The following PCNT variants were observed in gnomAD, a reference collection of about 807,000 sequenced individuals.
PCNT encodes kendrin.
Under a neutral mutation model 380.4 loss-of-function variants are expected in PCNT, and 319 were observed. That is an observed-to-expected ratio of 0.84 (90% CI 0.77 to 0.92). PCNT has a LOEUF of 0.92. Among genes scored for constraint, PCNT ranks in the 40% least tolerant of loss-of-function variants. PCNT has a pLI of 0.00. For missense variants in PCNT, 4,400 were observed against 4,255.3 expected (o/e 1.03, Z -0.95); for synonymous variants, 1,845 against 1,735.2 (o/e 1.06, Z -1.57).
intron 3 of PCNT, among the ~76,000 whole-genome samples, chr21:46,341,784 GTC>G (rs1346201595): frequency 6.6e-6 from 1 of 151,910 alleles, no homozygotes; most frequent in East Asian, 1.9e-4. Flanking sequence ...GGCTCAAGCA[GTC>G]TTTCTACTCA....
chr21:46,361,744 A>G (rs936123145), intron 13 of PCNT, among the ~76,000 whole-genome samples: 3 of 152,188 alleles, frequency 2.0e-5, no homozygotes, highest in Non-Finnish European at 4.4e-5. Context: ...GCTGTGCTGC[A>G]CACATTTTCT....
chr21:46,413,800 C>T (rs750277292), intron 29 of PCNT, among the ~76,000 whole-genome samples: 1 of 152,136 alleles, frequency 6.6e-6, no homozygotes, highest in African/African-American at 2.4e-5. Flanking sequence ...TTCTTTTCCC[C>T]GGGGAAGGAG....
chr21:46,425,777 C>A lies in PCNT; in HGVS notation c.7180-54C>A, dbSNP rs113128848. ...GCTCGGGGCCGCAGGTGGTGTAGAG[C>A]GTGGCTGTGTGGGGTGGCAGGCAAC... On this transcript the variant is annotated intron_variant, in intron 32 of 46. Transcript: ENST00000359568. This position sits in a 1 kb window ranked among gnomAD's most constrained non-coding sequence, Gnocchi z 4.2. The A allele has an allele frequency of 6.2e-7, 1 of 1,609,788 alleles. No individual in the cohort carries two copies. The highest frequency in any genetic ancestry group is 1.3e-5 in the African/African-American group (1 of 74,842).
intron 27 of PCNT, among the ~76,000 whole-genome samples, chr21:46,407,851 T>G (rs1024829886): frequency 6.6e-6 from 1 of 152,208 alleles, no homozygotes; most frequent in Non-Finnish European, 1.5e-5. Context: ...GATACTTTTC[T>G]CTCTTTATTT....
intron 1 of PCNT, among the ~76,000 whole-genome samples, chr21:46,325,443 C>G (rs2083352510): frequency 6.6e-6 from 1 of 152,220 alleles, no homozygotes; most frequent in East Asian, 1.9e-4. Flanking sequence ...GGCCGCAGAC[C>G]AGGTCTGTGC....
intron 13 of PCNT, 53 bp from the exon 14 acceptor site, chr21:46,363,424 CTAA>C: frequency 6.9e-7 from 1 of 1,443,794 alleles, no homozygotes. Flanking sequence ...GTTGTCTCTT[CTAA>C]TAATCTCTTC....
At chr21:46,386,411 CTG>C (rs2085838222) in intron 17 of PCNT, among the ~76,000 whole-genome samples, 2 of 152,280 alleles carry the variant, frequency 1.3e-5, no homozygotes, top group African/African-American at 4.8e-5. Flanking sequence ...GCATCTCTCT[CTG>C]TGACGTGTGT....
At chr21:46,339,070 C>T (rs370697907) in intron 3 of PCNT, among the ~76,000 whole-genome samples, 3 of 152,272 alleles carry the variant, frequency 2.0e-5, no homozygotes. Flanking sequence ...GCGTGAGCCA[C>T]CGCACCCGGC....
chr21:46,438,949 A>G (rs1287243612), intron 41 of PCNT, among the ~76,000 whole-genome samples: 1 of 152,088 alleles, frequency 6.6e-6, no homozygotes, highest in Non-Finnish European at 1.5e-5. Flanking sequence ...GATTACAGAC[A>G]TGAGCCACCG....
chr21:46,326,480 A>C lies in PCNT; in HGVS notation c.158A>C (p.Glu53Ala). The C allele has an allele frequency of 6.2e-7, 1 of 1,614,208 alleles. No individual in the cohort carries two copies. The highest frequency in any genetic ancestry group is 8.5e-7 in the Non-Finnish European group (1 of 1,180,042). The stretch of plus-strand genomic sequence containing the variant: ...GCTGTCGATGCGTCTGTCCAGGAGG[A>C]GAGTCCGGTAACCAAGGAGGACAGC... ...GSAVDASVQE[E>A]SPVTKEDSAL... The change falls in exon 2 of 47, where the codon GAG becomes GCG. Residue 53 changes from glutamate to alanine, a missense_variant. Glu to Ala is a moderately radical substitution (Grantham distance 107). Coordinates refer to ENST00000359568, the MANE Select transcript of PCNT (RefSeq NM_006031.6).
intron 31 of PCNT, 103 bp from the exon 32 acceptor site, chr21:46,421,867 T>C (rs1227875797): frequency 7.8e-7 from 1 of 1,279,294 alleles, no homozygotes; most frequent in African/African-American, 1.5e-5. Context: ...TGGTTGTCGC[T>C]GGGGACTGCG....
At chr21:46,324,592 G>T (rs1296666176) in intron 1 of PCNT, among the ~76,000 whole-genome samples, 3 of 150,154 alleles carry the variant, frequency 2.0e-5, no homozygotes, top group Admixed American at 2.0e-4. Flanking sequence ...GCTGGGCGCG[G>T]TGCACGCCGG....
At chr21:46,436,317 G>A (rs1189537765) in intron 39 of PCNT, among the ~76,000 whole-genome samples, 169 bp downstream of exon 39, 1 of 152,182 alleles carries the variant, frequency 6.6e-6, no homozygotes, top group Non-Finnish European at 1.5e-5. Context: ...TGGCAAGATG[G>A]CATGTTCATA....
rs1240556289 is a variant in PCNT at position 46,430,317 on chromosome 21, T to G, written c.7913+85T>G. The G allele has an allele frequency of 5.6e-6, 8 of 1,440,998 alleles. No individual in the cohort carries two copies. The Admixed American group carries it at 1.6e-4, about 28-fold the overall frequency. 89.3% of individuals were successfully genotyped at this position (1,440,998 alleles called of 1,614,324 possible). ...CTTGGTGATGAAGGGAGACAGAACC[T>G]CTGGTGGGCCGCAGTTGGGCAGCCC... is the stretch of plus-strand genomic sequence containing the variant. On this transcript the variant is annotated intron_variant, in intron 36 of 46. Transcript: ENST00000359568.
chr21:46,378,442 A>AACAC (rs1414356919), intron 15 of PCNT, among the ~76,000 whole-genome samples: 5 of 152,138 alleles, frequency 3.3e-5, no homozygotes, highest in Non-Finnish European at 7.3e-5. Flanking sequence ...AGGTGACTTG[A>AACAC]ACACAGGCAC....
chr21:46,324,992 C>G, intron 1 of PCNT: 11 of 978,822 alleles, frequency 1.1e-5, no homozygotes, highest in Non-Finnish European at 1.3e-5. Context: ...CTGGCGTACG[C>G]TGCCGGGAAC....
At chr21:46,406,594 T>C (rs2086628840) in intron 27 of PCNT, among the ~76,000 whole-genome samples, 1 of 152,220 alleles carries the variant, frequency 6.6e-6, no homozygotes, top group Non-Finnish European at 1.5e-5. Context: ...TTTTTGTTAT[T>C]TCCTTCTTTT....
chr21:46,378,867 C>G (rs117314330), intron 15 of PCNT, among the ~76,000 whole-genome samples: 5,514 of 152,256 alleles, frequency 0.036, 140 homozygotes, highest in South Asian at 0.06. Flanking sequence ...GTACCAACCA[C>G]ATCTTTCTAT....
In PCNT at chr21:46,437,023, CTT is replaced by C; in HGVS notation, c.9043_9044del (p.Leu3015ThrfsTer10). ...TCATCCAATGAGAAAGCAGTGATGT[CTT>C]TACTGCACACGTTGGAGGAGCTGAA... On this transcript the variant is annotated frameshift_variant, in exon 40 of 47. Coordinates refer to ENST00000359568, the MANE Select transcript of PCNT (RefSeq NM_006031.6). LOFTEE classifies it high-confidence loss of function. 6.2e-7 allele frequency: 1 copy of C among 1,614,226 alleles called. No homozygotes were observed. Among genetic ancestry groups the C allele is most frequent in the Non-Finnish European group, 8.5e-7 (1 of 1,180,012 alleles).
Sources: allele counts gnomAD v4.1 joint callset (sites outside exome capture counted in the v4.1 genomes callset), GRCh38; gene constraint gnomAD v4.1.1; non-coding constraint Gnocchi (gnomAD v3.1); transcripts MANE v1.5; gene names NCBI Gene and HGNC (gene_info 2026-07-23, HGNC 2026-07-21).